MEI1: variants seen among roughly 807,000 people sequenced by gnomAD.
The protein encoded by MEI1 is meiosis inhibitor protein 1.
MEI1 carries 103 observed loss-of-function variants against 146.2 expected under a neutral mutation model. The observed-to-expected ratio is 0.70, with a 90% confidence interval of 0.60 to 0.83. MEI1 has a LOEUF of 0.83. MEI1 is among the 40% of genes least tolerant of loss of function. The pLI, the probability that MEI1 is intolerant of heterozygous loss-of-function variation, is 0.00. For missense variants in MEI1, 1,529 were observed against 1,533.0 expected, an observed-to-expected ratio of 1.00 and a Z score of 0.04; for synonymous variants, 652 against 628.2, an observed-to-expected ratio of 1.04 and a Z score of -0.57.
At chr22:41,722,459 G>T (rs1414110525) in intron 6 of MEI1, among the ~76,000 whole-genome samples, 1 of 149,352 alleles carries the variant, frequency 6.7e-6, no homozygotes, top group African/African-American at 2.5e-5. Context: ...CACCTTGCCA[G>T]CATTTTAATT....
intron 4 of MEI1, among the ~76,000 whole-genome samples, chr22:41,715,482 G>A (rs531387976): frequency 1.3e-5 from 2 of 150,224 alleles, no homozygotes; most frequent in Non-Finnish European, 3.0e-5. Flanking sequence ...TGCAAGCTCC[G>A]CCTCCCGGGT....
At chr22:41,739,140 CAAA>C (rs11297750) in intron 11 of MEI1, among the ~76,000 whole-genome samples, 1 of 143,728 alleles carries the variant, frequency 7.0e-6, no homozygotes, top group African/African-American at 2.5e-5. Context: ...ACTAAAAATA[CAAA>C]AAAAAAAAAA....
intron 20 of MEI1, among the ~76,000 whole-genome samples, chr22:41,775,039 C>T (rs934057242): frequency 6.6e-6 from 1 of 152,204 alleles, no homozygotes; most frequent in African/African-American, 2.4e-5. Context: ...AACCCTCAGT[C>T]CTAACTGGCC....
chr22:41,780,581 CTT>C (rs1245310767), intron 22 of MEI1, among the ~76,000 whole-genome samples: 21 of 134,280 alleles, frequency 1.6e-4, no homozygotes, highest in Non-Finnish European at 2.7e-4. Flanking sequence ...TTTTTCTTTT[CTT>C]TTTTTTTTTT....
chr22:41,721,486 CG>C (rs1706053315), intron 6 of MEI1, among the ~76,000 whole-genome samples: 1 of 148,418 alleles, frequency 6.7e-6, no homozygotes, highest in Non-Finnish European at 1.5e-5. Context: ...CCTCGTGATT[CG>C]CCTGCCTTGG....
At chr22:41,716,209 G>T in intron 5 of MEI1, 63 bp downstream of exon 5, 1 of 1,158,238 alleles carries the variant, frequency 8.6e-7, no homozygotes. Context: ...ACTGCCATTT[G>T]GGTGTCCCAT....
chr22:41,721,265 G>C (rs1222741166), intron 6 of MEI1, among the ~76,000 whole-genome samples: 1 of 89,290 alleles, frequency 1.1e-5, no homozygotes, highest in Non-Finnish European at 1.9e-5. Context: ...TTTTTTTTGA[G>C]ACGGAGTCTC....
At chr22:41,736,272 C>T (rs1490572946) in intron 11 of MEI1, among the ~76,000 whole-genome samples, 7 of 138,376 alleles carry the variant, frequency 5.1e-5, no homozygotes, top group Admixed American at 2.3e-4. Flanking sequence ...TTTTTTGAAA[C>T]GGAGTCTTGC....
intron 19 of MEI1, among the ~76,000 whole-genome samples, chr22:41,768,331 G>C (rs2074980828): frequency 6.6e-6 from 1 of 150,940 alleles, no homozygotes; most frequent in Admixed American, 6.6e-5. Flanking sequence ...GCAGTGAGCT[G>C]TGAGCTGAGA....
chr22:41,733,996 C>G (rs765882900), intron 11 of MEI1, among the ~76,000 whole-genome samples: 1 of 151,626 alleles, frequency 6.6e-6, no homozygotes, highest in African/African-American at 2.4e-5. Flanking sequence ...GATGTGGTGT[C>G]ACACACCTGT....
intron 18 of MEI1, among the ~76,000 whole-genome samples, chr22:41,761,954 G>A (rs1019833420): frequency 6.6e-6 from 1 of 152,188 alleles, no homozygotes; most frequent in East Asian, 1.9e-4. Context: ...TGTTTGTACC[G>A]TGTATCAGTA....
chr22:41,705,131 G>A lies in MEI1; in HGVS notation c.299-373G>A, dbSNP rs561082510. Among the ~76,000 whole-genome samples the A allele has an allele frequency of 4.7e-4, 72 of 151,962 alleles. 1 individual carries two copies. The highest frequency in any genetic ancestry group is 4.1e-3 in the Admixed American group (62 of 15,262). On this transcript the variant is annotated intron_variant, in intron 2 of 30. Transcript: ENST00000401548. ...CTTTTAGACTTAGAATTTACAATGT[G>A]CCTGTGTGGGTCTATTTCTCTTTGA... is the stretch of plus-strand genomic sequence containing the variant.
chr22:41,760,562 C>T (rs995541315), intron 18 of MEI1, among the ~76,000 whole-genome samples: 2 of 151,920 alleles, frequency 1.3e-5, no homozygotes, highest in East Asian at 1.9e-4. Flanking sequence ...TGTAGTAGGA[C>T]GAGCCGTAGA....
At chr22:41,751,098 C>A (rs1445588425) in intron 15 of MEI1, among the ~76,000 whole-genome samples, 1 of 152,086 alleles carries the variant, frequency 6.6e-6, no homozygotes, top group African/African-American at 2.4e-5. Context: ...GGGAAGCAGG[C>A]ACTGCCAGCC....
chr22:41,781,637 A>C, intron 23 of MEI1, 48 bp from the exon 24 acceptor site: 1 of 1,594,890 alleles, frequency 6.3e-7, no homozygotes, highest in Non-Finnish European at 8.6e-7. Context: ...CACTTAGCTG[A>C]AGCTCCTCTG....
intron 30 of MEI1, among the ~76,000 whole-genome samples, chr22:41,796,660 A>G (rs1337337276): frequency 6.6e-6 from 1 of 152,238 alleles, no homozygotes; most frequent in Non-Finnish European, 1.5e-5. Flanking sequence ...CTGACTTCAC[A>G]TGATGAGTTG....
intron 3 of MEI1, among the ~76,000 whole-genome samples, chr22:41,713,778 C>A (rs1040578299): frequency 5.9e-5 from 9 of 152,180 alleles, no homozygotes; most frequent in Admixed American, 4.6e-4. Flanking sequence ...AAATTCCTCA[C>A]CTCAGGTGAT....
At chr22:41,757,390 G>A (rs981029234) in intron 17 of MEI1, among the ~76,000 whole-genome samples, 2 of 151,426 alleles carry the variant, frequency 1.3e-5, no homozygotes, top group African/African-American at 4.9e-5. Context: ...GGAGTTTCGC[G>A]CTTGTCATTC....
chr22:41,743,389 G>A (rs1031289714), intron 12 of MEI1, among the ~76,000 whole-genome samples, 195 bp downstream of exon 12: 1 of 152,076 alleles, frequency 6.6e-6, no homozygotes, highest in East Asian at 1.9e-4. Context: ...TTACAGATGG[G>A]GAAACTAAAG....
Sources: allele counts gnomAD v4.1 joint callset (sites outside exome capture counted in the v4.1 genomes callset), GRCh38; gene constraint gnomAD v4.1.1; transcripts MANE v1.5; gene names NCBI Gene and HGNC (gene_info 2026-07-23, HGNC 2026-07-21).